Variants in FGF14 observed in about 807,000 individuals in gnomAD.
The protein encoded by FGF14 is fibroblast growth factor homologous factor 4.
A neutral mutation model predicts 25.5 loss-of-function variants in FGF14; 5 were observed. The ratio of observed to expected loss-of-function variants is 0.20; its 90% confidence interval spans 0.10 to 0.41. The LOEUF is 0.41. Ranked by LOEUF, FGF14 falls within the 10% of genes least tolerant of loss-of-function variation. FGF14 has a pLI of 1.00. For synonymous variants in FGF14, 138 were observed against 118.3 expected (o/e 1.17, Z -1.08); for missense variants, 222 against 320.1 (o/e 0.69, Z 2.34).
At chr13:101,916,367 G>C (rs1009434003) in intron 1 of FGF14, 86 bp downstream of exon 1, 44 of 1,527,646 alleles carry the variant, frequency 2.9e-5, no homozygotes, top group Non-Finnish European at 2.3e-5. Flanking sequence ...CGGGAAAACC[G>C]AGGGAGGGAA....
At position 102,272,741 on chromosome 13, in the gene FGF14, G is replaced by A. The variant is rs147551389; in HGVS notation, c.208+128730C>T. Reference sequence around the variant, plus strand: ...GCTGTGAAATAACTAGCCCAAGATCGTATAGATATTGAGTGATATATCTAT... The same window carrying A: ...GCTGTGAAATAACTAGCCCAAGATCATATAGATATTGAGTGATATATCTAT... On this transcript the variant is annotated intron_variant, in intron 1 of 4. Transcript: ENST00000376131. 3.2e-4 allele frequency among the ~76,000 whole-genome samples: 48 copies of A among 152,086 alleles called. 1 individual carries two copies. The East Asian group carries it at 6.6e-3, about 21-fold the overall frequency.
chr13:102,376,871 A>T (rs2058052322), intron 1 of FGF14, among the ~76,000 whole-genome samples: 2 of 152,180 alleles, frequency 1.3e-5, no homozygotes, highest in African/African-American at 4.8e-5. Flanking sequence ...ATTCCCAAGA[A>T]AGGGAGAAGT....
intron 1 of FGF14, among the ~76,000 whole-genome samples, chr13:102,377,312 G>A (rs891699165): frequency 6.6e-6 from 1 of 152,116 alleles, no homozygotes; most frequent in African/African-American, 2.4e-5. Context: ...AAGCATCAGA[G>A]AATGGGAATG....
intron 1 of FGF14, among the ~76,000 whole-genome samples, chr13:102,351,753 A>T (rs1400068575): frequency 6.6e-6 from 1 of 152,196 alleles, no homozygotes; most frequent in African/African-American, 2.4e-5. Flanking sequence ...TCAGGATGTG[A>T]CAGCTGGCTG....
intron 1 of FGF14, among the ~76,000 whole-genome samples, chr13:101,877,644 A>T (rs1274919883): frequency 6.6e-6 from 1 of 152,204 alleles, no homozygotes; most frequent in African/African-American, 2.4e-5. Context: ...AATCTCTTTA[A>T]AAAACCAAAA....
intron 1 of FGF14, among the ~76,000 whole-genome samples, chr13:102,068,675 G>A (rs866595265): frequency 5.9e-5 from 9 of 152,344 alleles, no homozygotes; most frequent in African/African-American, 1.4e-4. Flanking sequence ...CCGGCGCTGT[G>A]CTCGATTTCT....
intron 1 of FGF14, among the ~76,000 whole-genome samples, chr13:102,295,261 C>T (rs1413300180): frequency 1.3e-5 from 2 of 152,106 alleles, no homozygotes; most frequent in African/African-American, 4.8e-5. Flanking sequence ...TGGAGATGTT[C>T]TCAACCGTAT....
At chr13:101,790,584 T>C (rs897068572) in intron 3 of FGF14, among the ~76,000 whole-genome samples, 3 of 152,152 alleles carry the variant, frequency 2.0e-5, no homozygotes, top group African/African-American at 7.2e-5. Flanking sequence ...GTGTACATTG[T>C]TAAAATAAAT....
chr13:102,082,798 CA>C (rs11350767), intron 1 of FGF14, among the ~76,000 whole-genome samples: 60,485 of 146,390 alleles, frequency 0.41, 16,260 homozygotes, highest in African/African-American at 0.77. Flanking sequence ...ACTAAAAATA[CA>C]AAAAAAAAAT....
At chr13:102,224,304 T>G (rs2050740392) in intron 1 of FGF14, among the ~76,000 whole-genome samples, 1 of 152,070 alleles carries the variant, frequency 6.6e-6, no homozygotes, top group Non-Finnish European at 1.5e-5. Flanking sequence ...TTAAAGGAAT[T>G]TTTAGTGTAA....
intron 3 of FGF14, among the ~76,000 whole-genome samples, chr13:101,773,949 A>G (rs1475268075): frequency 6.6e-6 from 1 of 151,052 alleles, no homozygotes; most frequent in Non-Finnish European, 1.5e-5. Context: ...CCAAGCATAC[A>G]GTAGACACTC....
intron 1 of FGF14, among the ~76,000 whole-genome samples, chr13:102,030,131 C>A (rs960573471): frequency 6.6e-6 from 1 of 152,002 alleles, no homozygotes; most frequent in Non-Finnish European, 1.5e-5. Flanking sequence ...ATTTATTGAA[C>A]CCCCAAATTC....
chr13:101,787,387 A>C (rs1358864298), intron 3 of FGF14, among the ~76,000 whole-genome samples: 1 of 152,192 alleles, frequency 6.6e-6, no homozygotes, highest in African/African-American at 2.4e-5. Flanking sequence ...TATCCTTTAA[A>C]ACCAGCTAGT....
chr13:101,972,260 C>T (rs2037644014), intron 1 of FGF14, among the ~76,000 whole-genome samples: 1 of 152,192 alleles, frequency 6.6e-6, no homozygotes, highest in African/African-American at 2.4e-5. Context: ...CAGTGCTGAA[C>T]GAGGTTGCTG....
At chr13:102,002,176 C>T (rs1408715157) in intron 1 of FGF14, 1 of 152,054 alleles carries the variant, frequency 6.6e-6, no homozygotes, top group Non-Finnish European at 1.5e-5. Flanking sequence ...TTCTGTAACG[C>T]CTCAAGATTC....
At chr13:101,802,036 T>C in intron 3 of FGF14, 1 of 409,944 alleles carries the variant, frequency 2.4e-6, no homozygotes, top group South Asian at 2.0e-5. Context: ...AGACAGTGTC[T>C]AGGAAAGATA....
chr13:101,908,646 A>G (rs574448723), intron 1 of FGF14, among the ~76,000 whole-genome samples: 27 of 152,248 alleles, frequency 1.8e-4, no homozygotes, highest in Admixed American at 1.1e-3. Context: ...AATCAATATC[A>G]TGAAAATGGC....
chr13:102,378,631 C>CTATCTATATA (rs757841395), intron 1 of FGF14, among the ~76,000 whole-genome samples: 35 of 141,826 alleles, frequency 2.5e-4, no homozygotes, highest in East Asian at 8.5e-4. Context: ...ATCTATCTAT[C>CTATCTATATA]TATATATATA....
intron 3 of FGF14, among the ~76,000 whole-genome samples, chr13:101,763,151 T>C (rs754075780): frequency 1.3e-5 from 2 of 151,958 alleles, no homozygotes; most frequent in African/African-American, 2.4e-5. Context: ...TTAGAGAGAA[T>C]AGAGTGTGAT....
Sources: allele counts gnomAD v4.1 joint callset (sites outside exome capture counted in the v4.1 genomes callset), GRCh38; gene constraint gnomAD v4.1.1; transcripts MANE v1.5; gene names NCBI Gene and HGNC (gene_info 2026-07-23, HGNC 2026-07-21).